The following NLRP3 variants were observed in gnomAD, a reference collection of about 807,000 sequenced individuals.
NLRP3 encodes NLR family pyrin domain containing 3.
A neutral mutation model predicts 91.3 loss-of-function variants in NLRP3; 48 were observed. The ratio of observed to expected loss-of-function variants is 0.53; its 90% confidence interval spans 0.42 to 0.67. The LOEUF (loss-of-function observed/expected upper bound fraction) is 0.67. Ranked by LOEUF, NLRP3 falls within the 30% of genes least tolerant of loss-of-function variation. NLRP3 has a pLI of 0.00. For synonymous variants in NLRP3, 561 were observed against 507.9 expected, an observed-to-expected ratio of 1.10 and a Z score of -1.41; for missense variants, 982 against 1,276.9, an observed-to-expected ratio of 0.77 and a Z score of 3.52.
At position 247,448,496 on chromosome 1, in the gene NLRP3, T is replaced by C; in HGVS notation, c.3097T>C (p.Ser1033Pro). 6.2e-7 allele frequency: 1 copy of C among 1,609,988 alleles called. No homozygotes were observed. The highest frequency in any genetic ancestry group is 8.5e-7 in the Non-Finnish European group (1 of 1,176,232). Residue 1033 changes from serine (S) to proline (P), a missense_variant, in exon 10 of 10, where the codon TCT (serine) becomes CCT (proline). Ser to Pro is a moderately conservative substitution (Grantham distance 74). Around this residue, in one of 5 missense-constraint regions of NLRP3, gnomAD observed 29 missense variants for 55.3 expected, o/e 0.52. Transcript: ENST00000336119. ...KPELTVVFEP[S>P]W Reference sequence around the variant, plus strand: ...TGAGCTGACCGTCGTCTTTGAGCCTTCTTGGTAGGAGTGGAAACGGGGCTG... The same window carrying C: ...TGAGCTGACCGTCGTCTTTGAGCCTCCTTGGTAGGAGTGGAAACGGGGCTG...
chr1:247,419,156 A>T, intron 2 of NLRP3, 79 bp downstream of exon 2: 5 of 940,782 alleles, frequency 5.3e-6, no homozygotes, highest in Non-Finnish European at 6.8e-6. Flanking sequence ...ATATATATAT[A>T]TATATATATT....
intron 7 of NLRP3, 66 bp from the exon 8 acceptor site, chr1:247,443,906 C>G: frequency 6.5e-7 from 1 of 1,541,300 alleles, no homozygotes. Context: ...GGCACTGAGT[C>G]AAAGCAGCTG....
At chr1:247,426,462 G>A (rs1362993627) in intron 4 of NLRP3, among the ~76,000 whole-genome samples, 1 of 152,214 alleles carries the variant, frequency 6.6e-6, no homozygotes. Flanking sequence ...GCCACCCTGT[G>A]ATGTGTGAGT....
At chr1:247,438,748 T>C (rs1450739439) in intron 7 of NLRP3, among the ~76,000 whole-genome samples, 1 of 152,168 alleles carries the variant, frequency 6.6e-6, no homozygotes, top group African/African-American at 2.4e-5. Context: ...CTCATATACC[T>C]CTCAATTTCA....
At chr1:247,446,177 C>T (rs1325639697) in intron 9 of NLRP3, among the ~76,000 whole-genome samples, 1 of 152,188 alleles carries the variant, frequency 6.6e-6, no homozygotes. Context: ...TGAGCTCTGC[C>T]TTCCCAGCTT....
intron 5 of NLRP3, among the ~76,000 whole-genome samples, chr1:247,430,727 T>G (rs936113973): frequency 5.9e-5 from 9 of 152,108 alleles, no homozygotes; most frequent in Admixed American, 4.6e-4. Flanking sequence ...GTTGGAGAAT[T>G]TGCCATTTAC....
chr1:247,429,622 G>A lies in NLRP3; in HGVS notation c.2188G>A (p.Gly730Ser). 6.2e-7 allele frequency: 1 copy of A among 1,614,154 alleles called. No individual in the cohort carries two copies. The highest frequency in any genetic ancestry group is 8.5e-7 in the Non-Finnish European group (1 of 1,180,024). Residue 730 changes from glycine (G) to serine (S), a missense_variant, in exon 5 of 10, where the codon GGC (glycine) becomes AGC (serine). Coordinates refer to ENST00000336119, the MANE Select transcript of NLRP3 (RefSeq NM_001243133.2). The part of the protein sequence containing the change: ...NSHLTSSFCR[G>S]LFSVLSTSQS... The stretch of plus-strand genomic sequence containing the variant: ...CCACCTCACTTCCAGTTTTTGCCGG[G>A]GCCTCTTTTCAGTTCTGAGCACCAG...
At chr1:247,447,227 T>C (rs1190449316) in intron 9 of NLRP3, among the ~76,000 whole-genome samples, 1 of 152,196 alleles carries the variant, frequency 6.6e-6, no homozygotes, top group Non-Finnish European at 1.5e-5. Flanking sequence ...GAGAGTCCTC[T>C]TCCTGATTTG....
At chr1:247,434,324 G>T (rs112083888) in intron 6 of NLRP3, 51 bp downstream of exon 6, 2 of 1,604,526 alleles carry the variant, frequency 1.2e-6, no homozygotes, top group African/African-American at 1.3e-5. Context: ...GGCGTGCTGC[G>T]CACTCTGGCT....
At chr1:247,443,173 C>T (rs937071760) in intron 7 of NLRP3, among the ~76,000 whole-genome samples, 2 of 152,060 alleles carry the variant, frequency 1.3e-5, no homozygotes, top group African/African-American at 4.8e-5. Context: ...TCCACCCTCC[C>T]AAAGTGCTGG....
chr1:247,438,330 T>C (rs937874081), intron 7 of NLRP3, among the ~76,000 whole-genome samples: 1 of 151,734 alleles, frequency 6.6e-6, no homozygotes, highest in Non-Finnish European at 1.5e-5. Flanking sequence ...GGATCCTGCA[T>C]TGGCTTCTCT....
chr1:247,439,352 G>A (rs1373874243), intron 7 of NLRP3, among the ~76,000 whole-genome samples: 2 of 152,120 alleles, frequency 1.3e-5, no homozygotes, highest in Non-Finnish European at 2.9e-5. Flanking sequence ...TAGCAGGCTG[G>A]GTCCTTCTGA....
intron 7 of NLRP3, among the ~76,000 whole-genome samples, chr1:247,438,679 G>A (rs1355978522): frequency 4.6e-5 from 7 of 152,058 alleles, no homozygotes; most frequent in Admixed American, 2.0e-4. Flanking sequence ...CCACACACCC[G>A]CCTGGTTTAC....
At chr1:247,416,245 G>A (rs1662069195) in intron 1 of NLRP3, 52 bp downstream of exon 1, 1 of 152,448 alleles carries the variant, frequency 6.6e-6, no homozygotes, top group African/African-American at 2.4e-5. Flanking sequence ...GAGAGCAGTG[G>A]GGGAGATTGT....
At chr1:247,426,219 A>G (rs1662870374) in intron 4 of NLRP3, among the ~76,000 whole-genome samples, 1 of 152,228 alleles carries the variant, frequency 6.6e-6, no homozygotes, top group African/African-American at 2.4e-5. Context: ...AGGTAAATCA[A>G]GGGAAATAGA....
chr1:247,439,003 A>G (rs1256982045), intron 7 of NLRP3, among the ~76,000 whole-genome samples: 2 of 65,526 alleles, frequency 3.1e-5, no homozygotes, highest in Non-Finnish European at 6.8e-5. Context: ...CCATCCCTCT[A>G]TTTTCCATCC....
At chr1:247,440,528 G>C (rs1664134085) in intron 7 of NLRP3, among the ~76,000 whole-genome samples, 1 of 152,212 alleles carries the variant, frequency 6.6e-6, no homozygotes, top group African/African-American at 2.4e-5. Flanking sequence ...ACACAAGGCT[G>C]TCCCTGATAC....
intron 6 of NLRP3, among the ~76,000 whole-genome samples, chr1:247,435,223 C>T (rs187025956): frequency 9.3e-4 from 141 of 152,130 alleles, no homozygotes; most frequent in African/African-American, 3.2e-3. Flanking sequence ...GTACTCCCGC[C>T]TGGGTGACAG....
chr1:247,438,990 C>CA (rs1336256225), intron 7 of NLRP3, among the ~76,000 whole-genome samples: 1 of 137,750 alleles, frequency 7.3e-6, no homozygotes, highest in East Asian at 2.1e-4. Flanking sequence ...ATCCATCCAT[C>CA]ATCCATCCCT....
Sources: gnomAD v4.1 joint callset for allele counts (sites outside exome capture counted in the v4.1 genomes callset) on GRCh38, gnomAD v4.1.1 for gene constraint, gnomAD v4.1.1 regional missense constraint, MANE v1.5 for transcripts, NCBI Gene and HGNC (gene_info 2026-07-23, HGNC 2026-07-21) for gene names.